ZNF777: variants seen among roughly 807,000 people sequenced by gnomAD.
The protein encoded by ZNF777 is zinc finger protein 777.
Under a neutral mutation model 72.1 loss-of-function variants are expected in ZNF777, and 7 were observed. That is an observed-to-expected ratio of 0.10 (90% confidence interval 0.06 to 0.18). The LOEUF (loss-of-function observed/expected upper bound fraction) is 0.18. ZNF777 is among the 10% of genes least tolerant of loss of function. The pLI, the probability that ZNF777 is intolerant of heterozygous loss-of-function variation, is 1.00. For missense variants in ZNF777, 828 were observed against 1,128.6 expected (o/e 0.73, Z 3.82); for synonymous variants, 545 against 483.5 (o/e 1.13, Z -1.67).
rs759908635 is a variant in ZNF777 at position 149,431,676 on chromosome 7, G to GGGGGGCGCCCCA, written c.*99_*100insTGGGGCGCCCCC. ...AGGGGGAGCTCACGGCAAAGGGGCT[G>GGGGGGCGCCCCA]GGGGGCGCCCCGCCCCCGCCCGCTG... On this transcript the variant is annotated 3_prime_UTR_variant, in exon 6 of 6. Transcript: ENST00000247930. 52 of 1,097,828 alleles carry GGGGGGCGCCCCA rather than the reference G, an allele frequency of 4.7e-5. No individual in the cohort carries two copies. In the East Asian group the frequency reaches 3.4e-3, roughly 72 times the overall value. 68.0% of individuals were successfully genotyped at this position (1,097,828 alleles called of 1,614,324 possible). A position where few individuals can be genotyped will look rare whatever the true frequency, so the allele number is the denominator to read the frequency against.
intron 3 of ZNF777, 149 bp from the exon 4 acceptor site, chr7:149,451,261 A>G: frequency 2.9e-6 from 2 of 687,412 alleles, no homozygotes; most frequent in Non-Finnish European, 5.0e-6. Context: ...TCTTTTCCCA[A>G]GAGCCCACTG....
rs1250259357 is a variant in ZNF777 at position 149,431,534 on chromosome 7, A to G, written c.*242T>C. 2.2e-6 allele frequency: 1 copy of G among 457,584 alleles called. No homozygotes were observed. Among genetic ancestry groups the G allele is most frequent in the Non-Finnish European group, 4.3e-6 (1 of 230,262 alleles). The allele number at this position is 457,584 out of a possible 1,614,324, so 28.3% of individuals were successfully genotyped here. A position where few individuals can be genotyped will look rare whatever the true frequency, so the allele number is the denominator to read the frequency against. On this transcript the variant is annotated 3_prime_UTR_variant, in exon 6 of 6. Coordinates refer to ENST00000247930, the MANE Select transcript of ZNF777 (RefSeq NM_015694.3). The stretch of plus-strand genomic sequence containing the variant: ...ATCCATTTTATTGTCAAGGAAATTA[A>G]CAGCCCGAAAGGGTTCCCCAGGTCC...
intron 4 of ZNF777, among the ~76,000 whole-genome samples, chr7:149,445,430 G>C (rs115489106): frequency 0.037 from 5,616 of 152,236 alleles, 255 homozygotes; most frequent in African/African-American, 0.099. Context: ...AGAACAGGGA[G>C]CTCAGTGCAT....
At chr7:149,433,413 T>C (rs1029504657) in intron 5 of ZNF777, among the ~76,000 whole-genome samples, 17 of 152,336 alleles carry the variant, frequency 1.1e-4, no homozygotes, top group Middle Eastern at 3.4e-3. Flanking sequence ...GTTGGGTTTC[T>C]ACCAGCTGTA....
Position 149,455,213 on chromosome 7 carries a change from C to T in ZNF777, c.810G>A (p.Leu270=). Residue 270 remains leucine, a synonymous_variant, in exon 2 of 6, where the codon CTG becomes CTA. Transcript: ENST00000247930. The surrounding 1 kb of genome is among the most constrained non-coding windows in gnomAD (Gnocchi z 4.2). ...NLLKNRNFWI[L]RLPPGSNGEV... is the part of the protein sequence containing the mutation. Reference sequence around the variant, plus strand: ...CTCCATTGCTGCCGGGGGGCAGCCGCAGGATCCAGAAATTTCTGTTTTTCA... The same window carrying T: ...CTCCATTGCTGCCGGGGGGCAGCCGTAGGATCCAGAAATTTCTGTTTTTCA... The T allele has an allele frequency of 6.2e-7, 1 of 1,613,868 alleles. No individual in the cohort carries two copies. The highest frequency in any genetic ancestry group is 8.5e-7 in the Non-Finnish European group (1 of 1,179,958).
chr7:149,445,585 G>C (rs1402386697), intron 4 of ZNF777, among the ~76,000 whole-genome samples: 1 of 152,164 alleles, frequency 6.6e-6, no homozygotes, highest in African/African-American at 2.4e-5. Flanking sequence ...TTTAATTCTG[G>C]GTGTTGGCAA....
intron 4 of ZNF777, among the ~76,000 whole-genome samples, chr7:149,445,885 C>T (rs964651558): frequency 5.3e-5 from 8 of 152,268 alleles, no homozygotes; most frequent in African/African-American, 1.9e-4. Context: ...TCACTTCATT[C>T]CTATTTCCAG....
intron 2 of ZNF777, 53 bp from the exon 3 acceptor site, chr7:149,454,290 C>T: frequency 6.2e-7 from 1 of 1,607,370 alleles, no homozygotes; most frequent in Non-Finnish European, 8.5e-7. Context: ...GTGACAGGCC[C>T]ACGGCTGGCC....
At chr7:149,440,663 T>G (rs1799495961) in intron 4 of ZNF777, among the ~76,000 whole-genome samples, 2 of 118,222 alleles carry the variant, frequency 1.7e-5, no homozygotes, top group Non-Finnish European at 3.2e-5. Context: ...CAGCAGCCTG[T>G]TGTTTTTTTG....
At chr7:149,448,362 C>A (rs954417770) in intron 4 of ZNF777, among the ~76,000 whole-genome samples, 1 of 150,906 alleles carries the variant, frequency 6.6e-6, no homozygotes, top group Non-Finnish European at 1.5e-5. Flanking sequence ...CCCAGCTACT[C>A]AGGAGGCTGA....
chr7:149,453,404 G>GT (rs1174100963), intron 3 of ZNF777, among the ~76,000 whole-genome samples: 1 of 151,958 alleles, frequency 6.6e-6, no homozygotes, highest in Non-Finnish European at 1.5e-5. Flanking sequence ...TTAAGATAAC[G>GT]TTTTTTTGTA....
chr7:149,433,418 G>A (rs1466294940), intron 5 of ZNF777, among the ~76,000 whole-genome samples: 2 of 152,180 alleles, frequency 1.3e-5, no homozygotes, highest in African/African-American at 4.8e-5. Flanking sequence ...GTTTCTACCA[G>A]CTGTACCAAA....
chr7:149,456,078 A>G (rs1024655583), intron 1 of ZNF777, 41 bp from the exon 2 acceptor site: 2 of 1,509,560 alleles, frequency 1.3e-6, no homozygotes, highest in Non-Finnish European at 1.8e-6. Context: ...TAAAGGCCAC[A>G]GTCTCCAGCT....
chr7:149,449,197 G>A (rs943393821), intron 4 of ZNF777, among the ~76,000 whole-genome samples: 1 of 152,206 alleles, frequency 6.6e-6, no homozygotes, highest in Non-Finnish European at 1.5e-5. Flanking sequence ...CCACTCTGAG[G>A]GGCAGCGGTA....
chr7:149,443,874 C>T (rs760490104), intron 4 of ZNF777, among the ~76,000 whole-genome samples: 12 of 152,246 alleles, frequency 7.9e-5, no homozygotes, highest in South Asian at 2.1e-4. Flanking sequence ...ATTAGAGGCG[C>T]GAGCCACCAC....
In ZNF777 at chr7:149,461,004, C is replaced by G. The variant is rs1799939184; in HGVS notation, c.-205G>C. On this transcript the variant is annotated 5_prime_UTR_variant, in exon 1 of 6. Coordinates refer to ENST00000247930, the MANE Select transcript of ZNF777 (RefSeq NM_015694.3). ...ACCCGGGGTCGTTCCCTTTCAAAAC[C>G]TGCGCTCACAAAGGGATCTAAGAAA... 1 of 152,344 alleles carries G rather than the reference C, an allele frequency of 6.6e-6. No individual in the cohort carries two copies. Among genetic ancestry groups the G allele is most frequent in the South Asian group, 2.1e-4 (1 of 4,834 alleles). 9.4% of individuals were successfully genotyped at this position (152,344 alleles called of 1,614,324 possible). A position where few individuals can be genotyped will look rare whatever the true frequency, so the allele number is the denominator to read the frequency against.
At chr7:149,434,079 T>C (rs182985135) in intron 5 of ZNF777, among the ~76,000 whole-genome samples, 6 of 152,010 alleles carry the variant, frequency 3.9e-5, no homozygotes, top group Admixed American at 3.9e-4. Context: ...ATAGGACGAG[T>C]CAAGCAAGAA....
rs923449587 is a variant in ZNF777, at chr7:149,454,943, C to G, written c.846+234G>C. Among the ~76,000 whole-genome samples the G allele has an allele frequency of 4.6e-5, 7 of 152,214 alleles. 1 individual carries two copies. The highest frequency in any genetic ancestry group is 4.6e-4 in the Admixed American group (7 of 15,282). On this transcript the variant is annotated intron_variant, in intron 2 of 5. Coordinates refer to ENST00000247930, the MANE Select transcript of ZNF777 (RefSeq NM_015694.3). Reference sequence around the variant, plus strand: ...CCTTCGTAGTCTCTCACACCATGGACAGCTCTGCTGAACACCCTTCCAAAC... The same window carrying G: ...CCTTCGTAGTCTCTCACACCATGGAGAGCTCTGCTGAACACCCTTCCAAAC...
intron 5 of ZNF777, among the ~76,000 whole-genome samples, chr7:149,434,410 T>A (rs1414607822): frequency 6.6e-6 from 1 of 152,062 alleles, no homozygotes; most frequent in Non-Finnish European, 1.5e-5. Flanking sequence ...ACCCAGAACA[T>A]CCTTGGAGCG....
Sources: gnomAD v4.1 joint callset for allele counts (sites outside exome capture counted in the v4.1 genomes callset) on GRCh38, gnomAD v4.1.1 for gene constraint, Gnocchi (gnomAD v3.1) non-coding constraint, MANE v1.5 for transcripts, NCBI Gene and HGNC (gene_info 2026-07-23, HGNC 2026-07-21) for gene names.